CEP57: variants seen among roughly 807,000 people sequenced by gnomAD.
CEP57 encodes the protein centrosomal protein 57.
CEP57 carries 40 observed loss-of-function variants against 68.0 expected under a neutral mutation model. The observed-to-expected ratio is 0.59, with a 90% CI of 0.46 to 0.77. CEP57 has a LOEUF of 0.77. CEP57 is among the 30% of genes least tolerant of loss of function. The pLI, the probability that CEP57 is intolerant of heterozygous loss-of-function variation, is 0.00. For missense variants in CEP57, 606 were observed against 580.7 expected (o/e 1.04, Z -0.45); for synonymous variants, 219 against 198.7 (o/e 1.10, Z -0.86).
At chr11:95,790,453 G>A (rs1419169284), upstream of CEP57, 8 of 587,508 alleles carry the variant, frequency 1.4e-5, no homozygotes, top group Non-Finnish European at 2.4e-5. Context: ...AAAGACGTCT[G>A]CTGTTTTGAT....
chr11:95,797,143 C>T (rs1211737860), intron 1 of CEP57, among the ~76,000 whole-genome samples: 1 of 146,384 alleles, frequency 6.8e-6, no homozygotes, highest in Non-Finnish European at 1.5e-5. Context: ...AAATTTGTGA[C>T]TCTTCCCCCC....
At chr11:95,811,056 A>G (rs770835224) in intron 2 of CEP57, among the ~76,000 whole-genome samples, 15 of 152,180 alleles carry the variant, frequency 9.9e-5, no homozygotes, top group Non-Finnish European at 2.2e-4. Flanking sequence ...AACTAGAAAT[A>G]CCATTTGACC....
At chr11:95,826,741 A>T (rs1452632778) in intron 8 of CEP57, 1 of 152,226 alleles carries the variant, frequency 6.6e-6, no homozygotes, top group Non-Finnish European at 1.5e-5. Context: ...TTGCATATTG[A>T]AAGTGTACTC....
At chr11:95,817,448 A>G (rs962475815) in intron 4 of CEP57, among the ~76,000 whole-genome samples, 2 of 152,178 alleles carry the variant, frequency 1.3e-5, no homozygotes, top group Non-Finnish European at 2.9e-5. Context: ...CATAATTTTT[A>G]CCCTAATTAA....
Position 95,797,171 on chromosome 11 carries a change from A to AAC in CEP57, c.46-2047_46-2046dup, listed in dbSNP as rs139300001. On this transcript the variant is annotated intron_variant, in intron 1 of 10. Coordinates refer to ENST00000325542, the MANE Select transcript of CEP57 (RefSeq NM_014679.5). ...TTCCCCCCCACCCCACCCCCCTCCC[A>AAC]ACACACACACACACAGACGGAGTCT... is the stretch of plus-strand genomic sequence containing the variant. 3.7e-3 allele frequency among the ~76,000 whole-genome samples: 92 copies of AAC among 24,922 alleles called. 1 individual carries two copies. The highest frequency in any genetic ancestry group is 0.013 in the African/African-American group (78 of 5,812). The allele number at this position is 24,922 out of a possible 152,430, so 16.3% of individuals were successfully genotyped here. A position where few individuals can be genotyped will look rare whatever the true frequency, so the allele number is the denominator to read the frequency against.
chr11:95,825,575 A>G (rs1202814700), intron 8 of CEP57: 8 of 150,800 alleles, frequency 5.3e-5, no homozygotes, highest in African/African-American at 1.7e-4. Context: ...GGTTCTAATT[A>G]TTCAAGACTG....
intron 2 of CEP57, among the ~76,000 whole-genome samples, chr11:95,810,233 C>A (rs1256280026): frequency 2.0e-5 from 3 of 152,198 alleles, no homozygotes; most frequent in African/African-American, 7.2e-5. Context: ...GACAAACCCA[C>A]AGCCAATATC....
chr11:95,817,800 G>A lies in CEP57; in HGVS notation c.518G>A (p.Arg173Lys), dbSNP rs1189093306. 1 of 1,612,624 alleles carries A rather than the reference G, an allele frequency of 6.2e-7. No homozygotes were observed. The highest frequency in any genetic ancestry group is 8.5e-7 in the Non-Finnish European group (1 of 1,178,760). ...SVLEKQVSLE[R>K]ERQHDQTHVQ... is the part of the protein sequence containing the mutation. ...ATTGTTTTTCAGGTTTCCCTAGAAA[G>A]AGAACGACAACATGATCAAACACAT... Residue 173 changes from arginine to lysine, a missense_variant, in exon 5 of 11, where the codon AGA becomes AAA. Arg to Lys is a conservative substitution (Grantham distance 26). Coordinates refer to ENST00000325542, the MANE Select transcript of CEP57 (RefSeq NM_014679.5).
rs1060501986 is a variant in CEP57 at position 95,817,802 on chromosome 11, G to C, written c.520G>C (p.Glu174Gln). 1.2e-6 allele frequency: 2 copies of C among 1,613,140 alleles called. No individual in the cohort carries two copies. The highest frequency in any genetic ancestry group is 4.5e-5 in the East Asian group (2 of 44,804). ...TGTTTTTCAGGTTTCCCTAGAAAGA[G>C]AACGACAACATGATCAAACACATGT... ...VLEKQVSLER[E>Q]RQHDQTHVQS... The change falls in exon 5 of 11, where the codon GAA (glutamate) becomes CAA (glutamine). Residue 174 changes from glutamate (E) to glutamine (Q), a missense_variant. By Grantham distance (29) the Glu-to-Gln change is conservative. Transcript: ENST00000325542.
intron 6 of CEP57, among the ~76,000 whole-genome samples, chr11:95,820,029 A>G (rs540950480): frequency 1.4e-4 from 21 of 152,312 alleles, no homozygotes; most frequent in African/African-American, 4.8e-4. Flanking sequence ...TTCCATTTCC[A>G]TACTTGTAAC....
intron 4 of CEP57, among the ~76,000 whole-genome samples, chr11:95,816,123 A>G (rs960860414): frequency 3.9e-5 from 6 of 152,186 alleles, no homozygotes; most frequent in African/African-American, 1.4e-4. Context: ...ACAGTTCTGT[A>G]TGTCTGTTGG....
intron 2 of CEP57, among the ~76,000 whole-genome samples, chr11:95,812,609 A>AT (rs963725636): frequency 1.7e-4 from 25 of 151,450 alleles, no homozygotes; most frequent in Non-Finnish European, 3.2e-4. Context: ...TGCCTGCCTA[A>AT]TTTTTTTTAT....
upstream of CEP57, chr11:95,790,451 C>A (rs1455027142): frequency 1.7e-5 from 10 of 586,710 alleles, no homozygotes; most frequent in Non-Finnish European, 3.0e-5. Context: ...AGAAAGACGT[C>A]TGCTGTTTTG....
At chr11:95,830,005 A>C (rs943744872) in intron 10 of CEP57, among the ~76,000 whole-genome samples, 4 of 152,200 alleles carry the variant, frequency 2.6e-5, no homozygotes, top group Non-Finnish European at 5.9e-5. Flanking sequence ...AGAGGGAGTT[A>C]GGATGGTGAT....
intron 6 of CEP57, among the ~76,000 whole-genome samples, chr11:95,820,579 C>CAAAAAAAAAAA (rs56260498): frequency 8.5e-5 from 7 of 82,430 alleles, no homozygotes; most frequent in Admixed American, 1.4e-4. Flanking sequence ...GCAACAAGAG[C>CAAAAAAAAAAA]AAAAAAAAAA....
At chr11:95,822,787 G>GT (rs1209857767) in intron 8 of CEP57, 1 of 556,990 alleles carries the variant, frequency 1.8e-6, no homozygotes, top group Non-Finnish European at 3.2e-6. Flanking sequence ...AGTAGATAAA[G>GT]TATATGTGGA....
At chr11:95,812,104 C>T (rs1046277513) in intron 2 of CEP57, among the ~76,000 whole-genome samples, 4 of 152,110 alleles carry the variant, frequency 2.6e-5, no homozygotes, top group African/African-American at 9.7e-5. Context: ...TATAATCAAA[C>T]TTGAAGCGGA....
chr11:95,799,514 C>A, intron 2 of CEP57, 126 bp downstream of exon 2: 1 of 1,142,408 alleles, frequency 8.8e-7, no homozygotes, highest in East Asian at 2.4e-5. Context: ...GTTTCAGCCC[C>A]CAGAAAATAT....
intron 4 of CEP57, among the ~76,000 whole-genome samples, chr11:95,815,691 T>G (rs1336597409): frequency 6.6e-6 from 1 of 152,218 alleles, no homozygotes; most frequent in East Asian, 1.9e-4. Context: ...GGCTTACACC[T>G]GTAATGCCAG....
Sources: allele counts gnomAD v4.1 joint callset (sites outside exome capture counted in the v4.1 genomes callset), GRCh38; gene constraint gnomAD v4.1.1; transcripts MANE v1.5; gene names NCBI Gene and HGNC (gene_info 2026-07-23, HGNC 2026-07-21).